The following SHLD1 variants were observed in gnomAD, a reference collection of about 807,000 sequenced individuals.
SHLD1 encodes the protein shieldin complex subunit 1.
In SHLD1, 3 loss-of-function variants were observed where a neutral mutation model predicts 5.5. That is an observed-to-expected ratio of 0.54 (90% CI 0.25 to 1.40). The LOEUF (loss-of-function observed/expected upper bound fraction) is 1.40. Among genes scored for constraint, SHLD1 ranks in the 40% most tolerant of loss-of-function variants. SHLD1 has a pLI of 0.15. For missense variants in SHLD1, 210 were observed against 244.4 expected (o/e 0.86, Z 0.94); for synonymous variants, 92 against 94.3 (o/e 0.98, Z 0.14).
rs1452106657 is a variant in SHLD1, at chr20:5,853,396, A to C, written c.179-9628A>C. Among the ~76,000 whole-genome samples, 8 of 152,332 alleles carry C rather than the reference A, an allele frequency of 5.3e-5. No homozygotes were observed. In the South Asian group the frequency reaches 6.2e-4, roughly 12 times the overall value. Reference sequence around the variant, plus strand: ...GGGAGGCAGAGTTTGCAGTCAGCCAAGATCGCGCCACTGCACTCCAGCCTG... The same window carrying C: ...GGGAGGCAGAGTTTGCAGTCAGCCACGATCGCGCCACTGCACTCCAGCCTG... On this transcript the variant is annotated intron_variant, in intron 2 of 2. Coordinates refer to ENST00000303142, the MANE Select transcript of SHLD1 (RefSeq NM_152504.4).
At chr20:5,804,439 A>G (rs1401410351) in intron 2 of SHLD1, among the ~76,000 whole-genome samples, 6 of 151,962 alleles carry the variant, frequency 3.9e-5, no homozygotes, top group Admixed American at 3.3e-4. Context: ...AAGAAAATCT[A>G]GCTCCTGTGT....
At chr20:5,770,498 T>G (rs1985095113) in intron 1 of SHLD1, among the ~76,000 whole-genome samples, 1 of 152,204 alleles carries the variant, frequency 6.6e-6, no homozygotes, top group Admixed American at 6.6e-5. Flanking sequence ...TCCTTCTATT[T>G]CATCAAGCAT....
chr20:5,778,082 A>G (rs1373572519), intron 2 of SHLD1, among the ~76,000 whole-genome samples: 1 of 144,212 alleles, frequency 6.9e-6, no homozygotes, highest in Admixed American at 6.9e-5. Context: ...TATCTGGTAT[A>G]TTATGAGGCT....
chr20:5,818,460 GATTTGTCT>G (rs1298262213), intron 2 of SHLD1, among the ~76,000 whole-genome samples: 1 of 152,192 alleles, frequency 6.6e-6, no homozygotes, highest in African/African-American at 2.4e-5. Context: ...TGTTCACTTA[GATTTGTCT>G]TGTAACATTT....
chr20:5,845,379 A>T (rs1279448726), intron 2 of SHLD1, among the ~76,000 whole-genome samples: 1 of 152,184 alleles, frequency 6.6e-6, no homozygotes, highest in Non-Finnish European at 1.5e-5. Context: ...CTTGCCCAGG[A>T]TCTCATAGCC....
chr20:5,822,541 A>T (rs762448257), intron 2 of SHLD1, among the ~76,000 whole-genome samples: 3 of 151,982 alleles, frequency 2.0e-5, no homozygotes, highest in Non-Finnish European at 2.9e-5. Context: ...CATGTGTGTG[A>T]GTGTGTGTGC....
intron 2 of SHLD1, among the ~76,000 whole-genome samples, chr20:5,791,977 A>G (rs1334811879): frequency 6.6e-6 from 1 of 152,158 alleles, no homozygotes; most frequent in East Asian, 1.9e-4. Flanking sequence ...TATTTTCCAC[A>G]TGTTTATTGG....
At chr20:5,849,013 A>C (rs377597572) in intron 2 of SHLD1, among the ~76,000 whole-genome samples, 1 of 152,206 alleles carries the variant, frequency 6.6e-6, no homozygotes, top group Non-Finnish European at 1.5e-5. Context: ...TTTGTATTAA[A>C]TATCTTGATA....
chr20:5,840,496 G>A (rs917732414), intron 2 of SHLD1, among the ~76,000 whole-genome samples: 2 of 152,180 alleles, frequency 1.3e-5, no homozygotes, highest in Non-Finnish European at 2.9e-5. Context: ...ATGGATAGTG[G>A]CAGAGGCAGC....
chr20:5,805,009 C>T (rs1454342935), intron 2 of SHLD1, among the ~76,000 whole-genome samples: 1 of 152,226 alleles, frequency 6.6e-6, no homozygotes, highest in African/African-American at 2.4e-5. Context: ...ATACTAACCC[C>T]AAATGCCCTT....
At position 5,806,310 on chromosome 20, in the gene SHLD1, T is replaced by C. The variant is rs1297326561; in HGVS notation, c.178+33267T>C. 6.6e-6 allele frequency among the ~76,000 whole-genome samples: 1 copy of C among 152,230 alleles called. No homozygotes were observed. Among genetic ancestry groups the C allele is most frequent in the East Asian group, 1.9e-4 (1 of 5,194 alleles). On this transcript the variant is annotated intron_variant, in intron 2 of 2. Transcript: ENST00000303142. This position sits in a 1 kb window ranked among gnomAD's most constrained non-coding sequence, Gnocchi z 7.6. ...TGTTGCTTACGCATCATGCTATTGG[T>C]CCACAGTATATGGATTTGTGGATCG...
intron 2 of SHLD1, among the ~76,000 whole-genome samples, chr20:5,793,713 C>T (rs930314690): frequency 1.3e-5 from 2 of 151,818 alleles, no homozygotes; most frequent in African/African-American, 4.8e-5. Context: ...CATTGTATTC[C>T]TTTCTCTCTG....
chr20:5,849,177 AAG>A lies in SHLD1; in HGVS notation c.179-13845_179-13844del, dbSNP rs915145765. Among the ~76,000 whole-genome samples, 560 of 152,336 alleles carry A rather than the reference AAG, an allele frequency of 3.7e-3. 4 individuals carry two copies. The highest frequency in any genetic ancestry group is 0.013 in the African/African-American group (533 of 41,568). On this transcript the variant is annotated intron_variant, in intron 2 of 2. Coordinates refer to ENST00000303142, the MANE Select transcript of SHLD1 (RefSeq NM_152504.4). ...CTGTAACTAATTTTATGTAACTAATAAGATAGGATGTAAGGTGCCCTAGAACT... is the reference window on the plus strand; with the variant it reads ...CTGTAACTAATTTTATGTAACTAATAATAGGATGTAAGGTGCCCTAGAACT...
chr20:5,787,763 A>T (rs1198624265), intron 2 of SHLD1, among the ~76,000 whole-genome samples: 1 of 152,232 alleles, frequency 6.6e-6, no homozygotes, highest in Non-Finnish European at 1.5e-5. Flanking sequence ...GAGATCAAGT[A>T]TTTATCACGG....
rs1191908519 is a variant in SHLD1 at position 5,855,031 on chromosome 20, G to C, written c.179-7993G>C. 6.6e-6 allele frequency among the ~76,000 whole-genome samples: 1 copy of C among 151,824 alleles called. No individual in the cohort carries two copies. Among genetic ancestry groups the C allele is most frequent in the Non-Finnish European group, 1.5e-5 (1 of 67,968 alleles). On this transcript the variant is annotated intron_variant, in intron 2 of 2. Transcript: ENST00000303142. The surrounding 1 kb of genome is among the most constrained non-coding windows in gnomAD (Gnocchi z 4.4). ...CGGGACTACAGGCATGAACCACCAT[G>C]GCCGGCTAAATTTTTAATTTTTTTT... is the stretch of plus-strand genomic sequence containing the variant.
At chr20:5,828,694 T>G (rs2087694143) in intron 2 of SHLD1, among the ~76,000 whole-genome samples, 1 of 152,258 alleles carries the variant, frequency 6.6e-6, no homozygotes, top group Non-Finnish European at 1.5e-5. Flanking sequence ...TGCAGTTTCT[T>G]AAATTGATGG....
intron 2 of SHLD1, among the ~76,000 whole-genome samples, chr20:5,858,979 A>G (rs755685851): frequency 2.0e-5 from 3 of 152,198 alleles, no homozygotes; most frequent in Admixed American, 6.5e-5. Flanking sequence ...AATCCTATTC[A>G]TGATGGAAAA....
intron 2 of SHLD1, among the ~76,000 whole-genome samples, chr20:5,820,594 C>G (rs1035714556): frequency 6.6e-6 from 1 of 152,186 alleles, no homozygotes; most frequent in South Asian, 2.1e-4. Context: ...ACCAGGCAAA[C>G]TCAGAGTTGT....
intron 1 of SHLD1, among the ~76,000 whole-genome samples, chr20:5,758,651 C>G (rs1984278782): frequency 6.6e-6 from 1 of 151,980 alleles, no homozygotes; most frequent in South Asian, 2.1e-4. Flanking sequence ...AAACTGCTGA[C>G]CTTGTGATCC....
Sources: allele counts gnomAD v4.1 joint callset (sites outside exome capture counted in the v4.1 genomes callset), GRCh38; gene constraint gnomAD v4.1.1; non-coding constraint Gnocchi (gnomAD v3.1); transcripts MANE v1.5; gene names NCBI Gene and HGNC (gene_info 2026-07-23, HGNC 2026-07-21).